Variants in ITPR1 observed in about 807,000 individuals in gnomAD.
The protein encoded by ITPR1 is inositol 1,4,5-trisphosphate receptor type 1, also known as inositol 1,4,5-trisphosphate-gated calcium channel ITPR1.
In ITPR1, 96 loss-of-function variants were observed where a neutral mutation model predicts 318.4. That is an observed-to-expected ratio of 0.30 (90% CI 0.26 to 0.36). The LOEUF (loss-of-function observed/expected upper bound fraction) is 0.36, where lower values mean the gene tolerates loss of function less well. Ranked by LOEUF, ITPR1 falls within the 10% of genes least tolerant of loss-of-function variation. The pLI is 1.00. For missense variants in ITPR1, 2,440 were observed against 3,460.2 expected (o/e 0.71, Z 7.40); for synonymous variants, 1,312 against 1,289.9 (o/e 1.02, Z -0.37).
intron 4 of ITPR1, among the ~76,000 whole-genome samples, chr3:4,621,579 C>T (rs1469742628): frequency 2.6e-5 from 4 of 152,208 alleles, no homozygotes; most frequent in South Asian, 2.1e-4. Flanking sequence ...CAGCCAGGCA[C>T]ACCAGGTTCT....
chr3:4,718,694 CGG>C (rs1322682712), intron 40 of ITPR1, among the ~76,000 whole-genome samples: 5 of 152,110 alleles, frequency 3.3e-5, no homozygotes, highest in Non-Finnish European at 7.4e-5. Context: ...ATTAATTAGA[CGG>C]GAGCAGGTGA....
At chr3:4,529,921 T>A (rs1274541146) in intron 4 of ITPR1, among the ~76,000 whole-genome samples, 1 of 152,194 alleles carries the variant, frequency 6.6e-6, no homozygotes, top group Non-Finnish European at 1.5e-5. Flanking sequence ...ATGTTTAGTG[T>A]CTGGTCCAAG....
intron 4 of ITPR1, among the ~76,000 whole-genome samples, chr3:4,626,301 G>T (rs992763804): frequency 2.0e-5 from 3 of 151,986 alleles, no homozygotes; most frequent in Non-Finnish European, 4.4e-5. Context: ...CTCAGATTAA[G>T]ATTAAACAAT....
intron 35 of ITPR1, 77 bp from the exon 36 acceptor site, chr3:4,702,753 C>A: frequency 1.4e-6 from 2 of 1,478,650 alleles, no homozygotes; most frequent in Non-Finnish European, 9.3e-7. Context: ...AAGACAATGT[C>A]TCTGTCTCTG....
intron 4 of ITPR1, among the ~76,000 whole-genome samples, chr3:4,538,576 G>T (rs1325590086): frequency 2.0e-5 from 3 of 152,110 alleles, no homozygotes; most frequent in Non-Finnish European, 4.4e-5. Flanking sequence ...AAATCATTCT[G>T]TTCTAAAGAT....
intron 60 of ITPR1, among the ~76,000 whole-genome samples, chr3:4,825,265 C>T (rs143974531): frequency 2.4e-4 from 36 of 152,306 alleles, no homozygotes; most frequent in Middle Eastern, 3.4e-3. Context: ...CACTTGACCT[C>T]TTCAGAAACT....
intron 2 of ITPR1, among the ~76,000 whole-genome samples, chr3:4,509,441 T>A (rs1039001956): frequency 3.3e-5 from 5 of 152,320 alleles, no homozygotes; most frequent in African/African-American, 1.2e-4. Context: ...GCCAAGTAGG[T>A]TTCTGTTCTT....
At chr3:4,787,708 A>C (rs2047294172) in intron 51 of ITPR1, among the ~76,000 whole-genome samples, 1 of 152,106 alleles carries the variant, frequency 6.6e-6, no homozygotes, top group African/African-American at 2.4e-5. Context: ...CTGTCTCAAA[A>C]AAATAAAAAT....
intron 4 of ITPR1, among the ~76,000 whole-genome samples, chr3:4,584,901 C>A (rs1009232099): frequency 6.6e-6 from 1 of 152,132 alleles, no homozygotes; most frequent in African/African-American, 2.4e-5. Flanking sequence ...GAGGCAAATA[C>A]AAGACATCTA....
intron 9 of ITPR1, 36 bp from the exon 10 acceptor site, chr3:4,645,546 C>CT (rs139572974): frequency 3.1e-6 from 5 of 1,609,024 alleles, no homozygotes; most frequent in African/African-American, 2.7e-5. Flanking sequence ...TTTTTAAATT[C>CT]TTTTTTCCTT....
At chr3:4,778,383 C>G (rs1000202626) in intron 48 of ITPR1, among the ~76,000 whole-genome samples, 2 of 152,110 alleles carry the variant, frequency 1.3e-5, no homozygotes, top group Non-Finnish European at 2.9e-5. Context: ...ATGAAAGAGC[C>G]TAGAACTACA....
chr3:4,649,615 G>C (rs1198362792), intron 10 of ITPR1, among the ~76,000 whole-genome samples: 1 of 152,106 alleles, frequency 6.6e-6, no homozygotes, highest in African/African-American at 2.4e-5. Context: ...TATCATATAT[G>C]GTCCTTCATA....
intron 35 of ITPR1, among the ~76,000 whole-genome samples, chr3:4,700,605 T>C (rs536345424): frequency 6.6e-6 from 1 of 152,128 alleles, no homozygotes; most frequent in East Asian, 1.9e-4. Flanking sequence ...CAGGATGCGA[T>C]TTGGGACCTC....
chr3:4,669,915 T>C lies in ITPR1; in HGVS notation c.2006+142T>C, dbSNP rs1362667033. 5 of 897,342 alleles carry C rather than the reference T, an allele frequency of 5.6e-6. No individual in the cohort carries two copies. The Admixed American group carries it at 1.1e-4, about 19-fold the overall frequency. The allele number at this position is 897,342 out of a possible 1,614,324, so 55.6% of individuals were successfully genotyped here. ...GCATTTGATCTTCTTATTGGAAAAG[T>C]CTTGATTAGGAGAATTCCCGAATTT... On this transcript the variant is annotated intron_variant, in intron 19 of 61. Transcript: ENST00000649015.
chr3:4,653,223 C>T lies in ITPR1; in HGVS notation c.952-619C>T, dbSNP rs147597597. On this transcript the variant is annotated intron_variant, in intron 11 of 61. Transcript: ENST00000649015. ...CACCCATGAGACTACTGAGAGATTT[C>T]CAAGGTGATGGTGGGTGTCAGCACT... 4.4e-3 allele frequency among the ~76,000 whole-genome samples: 671 copies of T among 152,266 alleles called. 8 individuals are homozygous for T. Among genetic ancestry groups the T allele is most frequent in the Non-Finnish European group, 3.0e-3 (207 of 68,020 alleles).
intron 53 of ITPR1, among the ~76,000 whole-genome samples, chr3:4,796,472 G>A (rs1290805483): frequency 2.6e-5 from 4 of 152,278 alleles, no homozygotes; most frequent in South Asian, 4.1e-4. Context: ...AGCTGGCGGC[G>A]GCGGAGGAGG....
At chr3:4,519,369 G>A (rs1241419450) in intron 3 of ITPR1, among the ~76,000 whole-genome samples, 1 of 152,196 alleles carries the variant, frequency 6.6e-6, no homozygotes, top group East Asian at 1.9e-4. Context: ...TGGGACTACA[G>A]GCGCCTGCCA....
intron 44 of ITPR1, among the ~76,000 whole-genome samples, chr3:4,740,542 C>G (rs1340110745): frequency 6.6e-6 from 1 of 152,186 alleles, no homozygotes; most frequent in African/African-American, 2.4e-5. Context: ...TTATGAAACC[C>G]TGTCATCCAT....
chr3:4,555,843 C>T (rs2086068461), intron 4 of ITPR1, among the ~76,000 whole-genome samples: 1 of 152,220 alleles, frequency 6.6e-6, no homozygotes, highest in Non-Finnish European at 1.5e-5. Context: ...ATCCTTGTTA[C>T]TGCATAAGGA....
Sources: allele counts gnomAD v4.1 joint callset (sites outside exome capture counted in the v4.1 genomes callset), GRCh38; gene constraint gnomAD v4.1.1; transcripts MANE v1.5; gene names NCBI Gene and HGNC (gene_info 2026-07-23, HGNC 2026-07-21).